The following ADAM22 variants were observed in gnomAD, a reference collection of about 807,000 sequenced individuals.
ADAM22 encodes ADAM metallopeptidase domain 22, also known as disintegrin and metalloproteinase domain-containing protein 22.
Under a neutral mutation model 144.6 loss-of-function variants are expected in ADAM22, and 65 were observed. The ratio of observed to expected loss-of-function variants is 0.45; its 90% CI spans 0.37 to 0.55. The LOEUF is 0.55. Ranked by LOEUF, ADAM22 falls within the 20% of genes least tolerant of loss-of-function variation. ADAM22 has a pLI of 0.00. For synonymous variants in ADAM22, 391 were observed against 412.6 expected (o/e 0.95, Z 0.63); for missense variants, 974 against 1,184.9 (o/e 0.82, Z 2.61).
intron 2 of ADAM22, among the ~76,000 whole-genome samples, chr7:87,941,071 A>G (rs759656619): frequency 1.3e-5 from 2 of 152,098 alleles, no homozygotes; most frequent in Non-Finnish European, 2.9e-5. Context: ...TACATTTTTA[A>G]TACTTTGTTT....
intron 3 of ADAM22, among the ~76,000 whole-genome samples, chr7:88,017,377 T>C (rs1196584174): frequency 6.6e-6 from 1 of 152,110 alleles, no homozygotes; most frequent in South Asian, 2.1e-4. Context: ...TGTCACTGCA[T>C]CCCATAAATA....
chr7:88,142,825 T>G lies in ADAM22; in HGVS notation c.1221-201T>G, dbSNP rs184718624. 3.4e-3 allele frequency among the ~76,000 whole-genome samples: 496 copies of G among 147,996 alleles called. 3 individuals are homozygous for G. Among genetic ancestry groups the G allele is most frequent in the African/African-American group, 0.011 (427 of 38,916 alleles). ...TGCACTCCAGCCTGGGCGACAGAGC[T>G]AGACTCCGTCTCAAAAAAAAAAAAA... On this transcript the variant is annotated intron_variant, in intron 14 of 31. Coordinates refer to ENST00000413139, the MANE Select transcript of ADAM22 (RefSeq NM_001324418.2).
At position 87,984,123 on chromosome 7, in the gene ADAM22, T is replaced by C. The variant is rs146135911; in HGVS notation, c.323+5711T>C. On this transcript the variant is annotated intron_variant, in intron 3 of 31. Coordinates refer to ENST00000413139, the MANE Select transcript of ADAM22 (RefSeq NM_001324418.2). ...TACAATTCCTATTTTTTATCTTAATTATTATGACACAAGCCCCTGCCGACA... is the reference window on the plus strand; with the variant it reads ...TACAATTCCTATTTTTTATCTTAATCATTATGACACAAGCCCCTGCCGACA... Among the ~76,000 whole-genome samples, 18 of 152,312 alleles carry C rather than the reference T, an allele frequency of 1.2e-4. No individual in the cohort carries two copies. In the East Asian group the frequency reaches 3.3e-3, roughly 28 times the overall value.
intron 4 of ADAM22, among the ~76,000 whole-genome samples, chr7:88,086,027 T>C (rs887534209): frequency 1.3e-5 from 2 of 151,952 alleles, no homozygotes; most frequent in African/African-American, 4.8e-5. Flanking sequence ...ATACAAAAAA[T>C]TAGCTGGGCG....
At chr7:88,082,027 A>G (rs1453332607) in intron 4 of ADAM22, among the ~76,000 whole-genome samples, 1 of 152,178 alleles carries the variant, frequency 6.6e-6, no homozygotes, top group Non-Finnish European at 1.5e-5. Context: ...CCACATTGCC[A>G]CGTGAATCCT....
chr7:88,140,544 A>G (rs1360610347), intron 14 of ADAM22, among the ~76,000 whole-genome samples: 3 of 152,234 alleles, frequency 2.0e-5, no homozygotes, highest in Non-Finnish European at 4.4e-5. Context: ...CCTGGCAAGA[A>G]CAAACAACTC....
chr7:88,090,602 T>A (rs1442721175), intron 4 of ADAM22, among the ~76,000 whole-genome samples: 3 of 152,174 alleles, frequency 2.0e-5, no homozygotes, highest in African/African-American at 7.2e-5. Flanking sequence ...TTAAACATTA[T>A]TATATTTTAA....
chr7:88,098,362 C>G (rs1822020373), intron 4 of ADAM22, among the ~76,000 whole-genome samples: 1 of 152,026 alleles, frequency 6.6e-6, no homozygotes, highest in African/African-American at 2.4e-5. Context: ...AGGAAAATCC[C>G]TGGATTGTGA....
At chr7:88,017,608 A>G (rs1412530591) in intron 3 of ADAM22, among the ~76,000 whole-genome samples, 4 of 152,192 alleles carry the variant, frequency 2.6e-5, no homozygotes, top group Middle Eastern at 3.4e-3. Flanking sequence ...TATATGAGGC[A>G]TATGCATGTC....
chr7:88,091,563 G>T (rs1001429210), intron 4 of ADAM22, among the ~76,000 whole-genome samples: 6 of 152,118 alleles, frequency 3.9e-5, no homozygotes, highest in African/African-American at 1.4e-4. Flanking sequence ...TGTGCTAGAT[G>T]CCAGTCTAAG....
intron 7 of ADAM22, among the ~76,000 whole-genome samples, chr7:88,119,305 T>C (rs6465129): frequency 0.68 from 103,076 of 152,108 alleles, 37,323 homozygotes; most frequent in East Asian, 0.9. Context: ...TCCTTTGTAC[T>C]CTTTGTAGTC....
chr7:88,101,106 G>A (rs996686400), intron 4 of ADAM22, among the ~76,000 whole-genome samples: 13 of 151,722 alleles, frequency 8.6e-5, no homozygotes, highest in Non-Finnish European at 1.9e-4. Context: ...AATCATCTGG[G>A]CAGATTTTTA....
chr7:88,041,771 A>C (rs1326803730), intron 3 of ADAM22, among the ~76,000 whole-genome samples: 1 of 151,952 alleles, frequency 6.6e-6, no homozygotes, highest in Non-Finnish European at 1.5e-5. Context: ...TCTGGTGAAT[A>C]ATCAAATTAT....
chr7:87,997,883 A>G (rs922757408), intron 3 of ADAM22, among the ~76,000 whole-genome samples: 2 of 152,210 alleles, frequency 1.3e-5, no homozygotes, highest in Non-Finnish European at 2.9e-5. Context: ...GACTCACACA[A>G]TCATAAGGTG....
chr7:87,947,301 G>C (rs1843917212), intron 2 of ADAM22, among the ~76,000 whole-genome samples: 3 of 151,404 alleles, frequency 2.0e-5, no homozygotes. Flanking sequence ...TGGTTTAGCT[G>C]TAAATAGTAC....
At chr7:88,178,460 A>G (rs982285014) in intron 26 of ADAM22, among the ~76,000 whole-genome samples, 5 of 152,176 alleles carry the variant, frequency 3.3e-5, no homozygotes, top group African/African-American at 1.2e-4. Flanking sequence ...ATTCTAGAAT[A>G]GTTTAAAAGT....
chr7:88,083,054 C>G lies in ADAM22; in HGVS notation c.390+7362C>G, dbSNP rs546873876. Among the ~76,000 whole-genome samples, 12 of 152,280 alleles carry G rather than the reference C, an allele frequency of 7.9e-5. No individual in the cohort carries two copies. The South Asian group carries it at 2.5e-3, about 32-fold the overall frequency. ...ACATGCACATGTATGTTTATTGTGGCACTATTCACAATAGCAAAGAGTTGG... is the reference window on the plus strand; with the variant it reads ...ACATGCACATGTATGTTTATTGTGGGACTATTCACAATAGCAAAGAGTTGG... On this transcript the variant is annotated intron_variant, in intron 4 of 31. Coordinates refer to ENST00000413139, the MANE Select transcript of ADAM22 (RefSeq NM_001324418.2).
At chr7:88,168,272 A>G (rs1285694066) in intron 25 of ADAM22, 45 bp downstream of exon 25, 1 of 1,544,246 alleles carries the variant, frequency 6.5e-7, no homozygotes, top group African/African-American at 1.4e-5. Flanking sequence ...ATATACTTCT[A>G]AACATTTTGA....
chr7:88,006,533 C>T (rs542526425), intron 3 of ADAM22, among the ~76,000 whole-genome samples: 2 of 151,958 alleles, frequency 1.3e-5, no homozygotes, highest in East Asian at 3.9e-4. Flanking sequence ...TCCAGCAACA[C>T]ATCAAAAAGC....
Sources: allele counts gnomAD v4.1 joint callset (sites outside exome capture counted in the v4.1 genomes callset), GRCh38; gene constraint gnomAD v4.1.1; transcripts MANE v1.5; gene names NCBI Gene and HGNC (gene_info 2026-07-23, HGNC 2026-07-21).